The following RUVBL1 variants were observed in gnomAD, a reference collection of about 807,000 sequenced individuals.
RUVBL1 encodes the protein ruvB-like 1.
In RUVBL1, 4 loss-of-function variants were observed where a neutral mutation model predicts 52.4. That is an observed-to-expected ratio of 0.08 (90% CI 0.04 to 0.17). The LOEUF is 0.17. RUVBL1 is among the 10% of genes least tolerant of loss of function. RUVBL1 has a pLI of 1.00. For synonymous variants in RUVBL1, 217 were observed against 214.4 expected, an observed-to-expected ratio of 1.01 and a Z score of -0.10; for missense variants, 298 against 572.8, an observed-to-expected ratio of 0.52 and a Z score of 4.90.
At chr3:128,117,949 A>G (rs565157766) in intron 2 of RUVBL1, among the ~76,000 whole-genome samples, 1 of 152,340 alleles carries the variant, frequency 6.6e-6, no homozygotes, top group South Asian at 2.1e-4. Flanking sequence ...TTGAGAGAGA[A>G]GTACTGTGAA....
In RUVBL1 at chr3:128,112,963, T is replaced by C. The variant is rs199688007; in HGVS notation, c.286A>G (p.Met96Val). The change falls in exon 3 of 11, where the codon ATG becomes GTG. Residue 96 changes from methionine to valine, a missense_variant. Coordinates refer to ENST00000322623, the MANE Select transcript of RUVBL1 (RefSeq NM_003707.3). The part of the protein sequence containing the change: ...ELGSKVPFCP[M>V]VGSEVYSTEI... Reference sequence around the variant, plus strand: ...GTTGAGTAAACTTCACTCCCCACCATTGGGCAGAAGGGGACCTTACTACCC... The same window carrying C: ...GTTGAGTAAACTTCACTCCCCACCACTGGGCAGAAGGGGACCTTACTACCC... 1.2e-5 allele frequency: 20 copies of C among 1,614,038 alleles called. No homozygotes were observed. Among genetic ancestry groups the C allele is most frequent in the South Asian group, 6.6e-5 (6 of 91,084 alleles).
chr3:128,137,451 T>A (rs1480760853), intron 1 of RUVBL1, among the ~76,000 whole-genome samples: 2 of 152,108 alleles, frequency 1.3e-5, no homozygotes, highest in Non-Finnish European at 2.9e-5. Flanking sequence ...GAAGAATAGA[T>A]AAGTTCTTGA....
chr3:128,080,499 C>G (rs146502760), downstream of RUVBL1, among the ~76,000 whole-genome samples: 74 of 152,320 alleles, frequency 4.9e-4, no homozygotes, highest in Admixed American at 1.2e-3. Flanking sequence ...AACGATGAGT[C>G]ATGTTGCTAG....
chr3:128,107,242 C>CA (rs1943264542), intron 3 of RUVBL1, among the ~76,000 whole-genome samples: 1 of 152,214 alleles, frequency 6.6e-6, no homozygotes, highest in Non-Finnish European at 1.5e-5. Context: ...TACTTGCTTC[C>CA]AAATCCTAGG....
At chr3:128,145,265 A>G (rs1266234379) in intron 1 of RUVBL1, among the ~76,000 whole-genome samples, 2 of 152,192 alleles carry the variant, frequency 1.3e-5, no homozygotes, top group African/African-American at 4.8e-5. Flanking sequence ...CCATTTGACA[A>G]ATGAAGAAAC....
chr3:128,070,150 T>C (rs956490406), intron 9 of RUVBL1: 5 of 153,782 alleles, frequency 3.3e-5, no homozygotes, highest in Non-Finnish European at 1.5e-5. Flanking sequence ...CAATCAGGCG[T>C]GGGAATATCT....
At chr3:128,137,902 C>T (rs892779788) in intron 1 of RUVBL1, among the ~76,000 whole-genome samples, 8 of 152,090 alleles carry the variant, frequency 5.3e-5, no homozygotes, top group African/African-American at 1.9e-4. Flanking sequence ...GCAAATCAAC[C>T]AGTGTGGTAC....
rs371960548 is a variant in RUVBL1 at position 128,069,851 on chromosome 3, C to CA, written c.940-4632dup. ...ATTTTGCTTTTTATCCTGGCACTGG[C>CA]AAAAAGAACTGTGAAAGTGAAATTT... On this transcript the variant is annotated intron_variant, in intron 9 of 9. Coordinates refer to the RUVBL1 transcript ENST00000464873. 589 of 586,042 alleles carry CA rather than the reference C, an allele frequency of 1.0e-3. 4 individuals are homozygous for CA. The highest frequency in any genetic ancestry group is 9.4e-3 in the African/African-American group (501 of 53,458). 36.3% of individuals were successfully genotyped at this position (586,042 alleles called of 1,614,324 possible). A position where few individuals can be genotyped will look rare whatever the true frequency, so the allele number is the denominator to read the frequency against.
chr3:128,066,753 G>A (rs1184891113), intron 9 of RUVBL1: 20 of 580,202 alleles, frequency 3.4e-5, no homozygotes, highest in East Asian at 2.9e-5. Flanking sequence ...AGCTTTTCTG[G>A]GCCCCTTCTG....
chr3:128,085,630 A>G (rs1198734473), intron 9 of RUVBL1, among the ~76,000 whole-genome samples: 3 of 152,318 alleles, frequency 2.0e-5, no homozygotes, highest in East Asian at 1.9e-4. Flanking sequence ...TAATTTGCCA[A>G]TGCTGGTTAC....
At chr3:128,108,733 G>A (rs894104528) in intron 3 of RUVBL1, among the ~76,000 whole-genome samples, 1 of 151,300 alleles carries the variant, frequency 6.6e-6, no homozygotes, top group Admixed American at 6.6e-5. Context: ...ATTTGAACTA[G>A]TTGTAACATC....
intron 4 of RUVBL1, among the ~76,000 whole-genome samples, chr3:128,101,977 T>C (rs1374325108): frequency 6.6e-6 from 1 of 152,230 alleles, no homozygotes; most frequent in African/African-American, 2.4e-5. Flanking sequence ...AGCGCTTTTA[T>C]AAGGATGGTC....
chr3:128,153,668 C>G, exon 1 of RUVBL1: 2 of 1,597,400 alleles, frequency 1.3e-6, no homozygotes, highest in Non-Finnish European at 1.7e-6. Flanking sequence ...CTGGGCTTCT[C>G]GTGCTTCTCG....
Position 128,112,915 on chromosome 3 carries a change from G to A in RUVBL1, c.334C>T (p.Leu112=). The change falls in exon 3 of 11, where the codon CTG becomes TTG. Residue 112 remains leucine (L), a synonymous_variant. Coordinates refer to ENST00000322623, the MANE Select transcript of RUVBL1 (RefSeq NM_003707.3). ...ATGGCCCTGCGGAAGTTCTCCATCA[G>A]CACCTCTGTCTTCTTGATCTCAGTT... ...YSTEIKKTEV[L]MENFRRAIGL... is the part of the protein sequence containing the mutation. 1 of 1,614,000 alleles carries A rather than the reference G, an allele frequency of 6.2e-7. No homozygotes were observed. Among genetic ancestry groups the A allele is most frequent in the South Asian group, 1.1e-5 (1 of 91,066 alleles).
chr3:128,146,102 G>A (rs917735949), intron 1 of RUVBL1, among the ~76,000 whole-genome samples: 1 of 152,216 alleles, frequency 6.6e-6, no homozygotes, highest in Non-Finnish European at 1.5e-5. Flanking sequence ...CCAGGGCAGG[G>A]CTAATGCAGG....
intron 6 of RUVBL1, 46 bp downstream of exon 6, chr3:128,100,549 T>C: frequency 6.5e-7 from 1 of 1,547,246 alleles, no homozygotes; most frequent in Non-Finnish European, 8.7e-7. Context: ...TCCACACACA[T>C]ACAAAAGGGC....
chr3:128,078,623 A>G (rs991875582), downstream of RUVBL1: 3 of 152,028 alleles, frequency 2.0e-5, no homozygotes, highest in Non-Finnish European at 4.4e-5. Context: ...TCACTTTAAT[A>G]TTACAACAAT....
At chr3:128,100,360 C>T (rs1943083463) in intron 6 of RUVBL1, among the ~76,000 whole-genome samples, 1 of 152,212 alleles carries the variant, frequency 6.6e-6, no homozygotes, top group African/African-American at 2.4e-5. Flanking sequence ...AGCTCAGGGC[C>T]AGAGGCTTGG....
chr3:128,085,766 G>A (rs1444239289), intron 9 of RUVBL1, among the ~76,000 whole-genome samples: 2 of 152,052 alleles, frequency 1.3e-5, no homozygotes, highest in Non-Finnish European at 2.9e-5. Flanking sequence ...AAAGGCCCAG[G>A]AGAGGCCCTG....
Sources: allele counts gnomAD v4.1 joint callset (sites outside exome capture counted in the v4.1 genomes callset), GRCh38; gene constraint gnomAD v4.1.1; transcripts MANE v1.5; gene names NCBI Gene and HGNC (gene_info 2026-07-23, HGNC 2026-07-21).